BLTP3A: variants seen among roughly 807,000 people sequenced by gnomAD.
BLTP3A encodes the protein ICBP90 binding protein 1.
the BLTP3A span, chr6:34,864,142 A>G: frequency 1.2e-6 from 2 of 1,614,092 alleles, no homozygotes; most frequent in South Asian, 2.2e-5. Flanking sequence ...GGCCCTGAAG[A>G]CCGGATTTCA....
the BLTP3A span, chr6:34,863,885 C>CTAA: frequency 1.0e-6 from 1 of 993,456 alleles, no homozygotes. Flanking sequence ...TTGTATGTTC[C>CTAA]TAATATTGGG....
chr6:34,870,212 C>T, the BLTP3A span, among the ~76,000 whole-genome samples: 1 of 152,068 alleles, frequency 6.6e-6, no homozygotes, highest in Non-Finnish European at 1.5e-5. Flanking sequence ...CATCCTTGTA[C>T]ATGTCTCTTG....
chr6:34,843,526 G>A, the BLTP3A span, among the ~76,000 whole-genome samples: 2 of 152,016 alleles, frequency 1.3e-5, no homozygotes, highest in African/African-American at 4.8e-5. Context: ...GCAGGCATAC[G>A]ATACATAATA....
the BLTP3A span, among the ~76,000 whole-genome samples, chr6:34,801,610 C>A: frequency 6.6e-6 from 1 of 152,062 alleles, no homozygotes; most frequent in Non-Finnish European, 1.5e-5. Context: ...TTTTGAATGT[C>A]GTTAGATGTT....
chr6:34,875,391 C>T, the BLTP3A span: 4 of 152,158 alleles, frequency 2.6e-5, no homozygotes, highest in Non-Finnish European at 4.4e-5. Flanking sequence ...GTTAGGCTCA[C>T]CTGAATTGGT....
chr6:34,821,443 C>A, the BLTP3A span: 7 of 429,068 alleles, frequency 1.6e-5, no homozygotes, highest in Non-Finnish European at 2.5e-5. Flanking sequence ...TGCATTTGTT[C>A]TGGCTGGTCT....
chr6:34,837,291 C>G, the BLTP3A span, among the ~76,000 whole-genome samples: 1 of 152,118 alleles, frequency 6.6e-6, no homozygotes, highest in Non-Finnish European at 1.5e-5. Flanking sequence ...ACTGTAATCT[C>G]AATACTTTGG....
At chr6:34,823,337 T>C in the BLTP3A span, 1 of 1,613,966 alleles carries the variant, frequency 6.2e-7, no homozygotes, top group Non-Finnish European at 8.5e-7. Flanking sequence ...TTGCCCTTGC[T>C]TCAGGACAGA....
the BLTP3A span, among the ~76,000 whole-genome samples, chr6:34,828,319 C>T: frequency 6.6e-6 from 1 of 151,814 alleles, no homozygotes; most frequent in Non-Finnish European, 1.5e-5. Context: ...TGCATGGTGG[C>T]ACGCGCCTGT....
At chr6:34,843,777 A>C in the BLTP3A span, among the ~76,000 whole-genome samples, 1 of 152,174 alleles carries the variant, frequency 6.6e-6, no homozygotes, top group African/African-American at 2.4e-5. Flanking sequence ...GGATTGCCTG[A>C]TCATATGGTA....
At chr6:34,848,086 ATT>A in the BLTP3A span, among the ~76,000 whole-genome samples, 11 of 137,784 alleles carry the variant, frequency 8.0e-5, no homozygotes, top group East Asian at 2.1e-4. Flanking sequence ...TGCCAGGCTA[ATT>A]TTTTTTTTTT....
chr6:34,811,788 G>A, the BLTP3A span, among the ~76,000 whole-genome samples: 2 of 151,808 alleles, frequency 1.3e-5, no homozygotes, highest in Non-Finnish European at 2.9e-5. Flanking sequence ...GAACCCAGGA[G>A]GTGGTTTGTA....
the BLTP3A span, among the ~76,000 whole-genome samples, chr6:34,828,112 A>T: frequency 4.6e-5 from 7 of 152,120 alleles, no homozygotes; most frequent in Non-Finnish European, 7.4e-5. Flanking sequence ...AACATGTAGC[A>T]TATCTTAAAT....
chr6:34,801,759 T>A, the BLTP3A span, among the ~76,000 whole-genome samples: 1 of 152,148 alleles, frequency 6.6e-6, no homozygotes, highest in Non-Finnish European at 1.5e-5. Context: ...TCTCGCTCTG[T>A]CTCCCAGGCT....
the BLTP3A span, among the ~76,000 whole-genome samples, chr6:34,831,563 G>C: frequency 7.3e-3 from 1,114 of 152,246 alleles, 22 homozygotes; most frequent in African/African-American, 0.026. Context: ...GGCAGGAAGA[G>C]AGTATCCTAT....
the BLTP3A span, among the ~76,000 whole-genome samples, chr6:34,809,552 TG>T: frequency 3.9e-5 from 6 of 152,238 alleles, no homozygotes; most frequent in East Asian, 1.9e-4. Flanking sequence ...AAACGTTTTT[TG>T]TTTTTTTGTT....
chr6:34,826,017 AC>A, the BLTP3A span, among the ~76,000 whole-genome samples: 3 of 138,634 alleles, frequency 2.2e-5, no homozygotes, highest in East Asian at 6.3e-4. Flanking sequence ...TATTCTTTTT[AC>A]ATTTTGCATT....
the BLTP3A span, among the ~76,000 whole-genome samples, chr6:34,803,011 C>G: frequency 6.6e-6 from 1 of 151,716 alleles, no homozygotes; most frequent in Admixed American, 6.6e-5. Context: ...CCCGTCTCTA[C>G]AAAAAATACA....
At chr6:34,808,405 CAG>C in the BLTP3A span, among the ~76,000 whole-genome samples, 111 of 117,612 alleles carry the variant, frequency 9.4e-4, no homozygotes, top group African/African-American at 2.7e-3. Context: ...GCAGGGCAAA[CAG>C]AGAATTAATA....
Sources: allele counts gnomAD v4.1 joint callset (sites outside exome capture counted in the v4.1 genomes callset), GRCh38; gene constraint gnomAD v4.1.1; transcripts MANE v1.5; gene names NCBI Gene and HGNC (gene_info 2026-07-23, HGNC 2026-07-21).